Variants in BANK1 observed in about 807,000 individuals in gnomAD.
The protein encoded by BANK1 is B cell scaffold protein with ankyrin repeats 1, also known as B-cell scaffold protein with ankyrin repeats.
A neutral mutation model predicts 94.5 loss-of-function variants in BANK1; 95 were observed. The ratio of observed to expected loss-of-function variants is 1.00; its 90% confidence interval spans 0.85 to 1.19. The LOEUF is 1.19. BANK1 is among the 50% of genes most tolerant of loss of function. The pLI, the probability that BANK1 is intolerant of heterozygous loss-of-function variation, is 0.00. For missense variants in BANK1, 987 were observed against 932.2 expected (o/e 1.06, Z -0.77); for synonymous variants, 334 against 308.4 (o/e 1.08, Z -0.87).
chr4:101,824,305 C>G (rs964428660), intron 1 of BANK1, among the ~76,000 whole-genome samples: 5 of 152,206 alleles, frequency 3.3e-5, no homozygotes, highest in African/African-American at 9.7e-5. Context: ...TCAATAATAA[C>G]TGACCACTAA....
intron 2 of BANK1, among the ~76,000 whole-genome samples, chr4:101,833,356 T>C (rs1182400214): frequency 6.6e-6 from 1 of 152,164 alleles, no homozygotes; most frequent in African/African-American, 2.4e-5. Context: ...GTGGGTTTTG[T>C]TGTTTGTTCT....
intron 6 of BANK1, among the ~76,000 whole-genome samples, chr4:101,916,946 C>CTAAACGTTTATTGTATCTCCTAA (rs1175529941): frequency 6.6e-6 from 1 of 151,964 alleles, no homozygotes; most frequent in Non-Finnish European, 1.5e-5. Flanking sequence ...TAAACACATG[C>CTAAACGTTTATTGTATCTCCTAA]TAAACGTTTA....
intron 1 of BANK1, among the ~76,000 whole-genome samples, chr4:101,792,517 T>G (rs1170773387): frequency 6.6e-6 from 1 of 150,956 alleles, no homozygotes; most frequent in Non-Finnish European, 1.5e-5. Context: ...ACAACTATCT[T>G]AATATGGCAC....
At chr4:101,994,226 A>G (rs908561382) in intron 7 of BANK1, among the ~76,000 whole-genome samples, 3 of 152,222 alleles carry the variant, frequency 2.0e-5, no homozygotes, top group African/African-American at 4.8e-5. Flanking sequence ...CAATTAAAGA[A>G]TGAGTTATCT....
At chr4:101,804,065 A>G (rs929170857) in intron 1 of BANK1, among the ~76,000 whole-genome samples, 1 of 151,318 alleles carries the variant, frequency 6.6e-6, no homozygotes, top group Non-Finnish European at 1.5e-5. Flanking sequence ...CATGTCATGA[A>G]TGCATAAAAT....
At chr4:101,795,551 T>C (rs6532970) in intron 1 of BANK1, among the ~76,000 whole-genome samples, 136,375 of 152,004 alleles carry the variant, frequency 0.9, 61,515 homozygotes, top group African/African-American at 0.98. Flanking sequence ...TTCTATTGAT[T>C]GCATTTTATT....
intron 3 of BANK1, among the ~76,000 whole-genome samples, chr4:101,858,181 T>C (rs1460169287): frequency 1.3e-5 from 2 of 152,226 alleles, no homozygotes; most frequent in African/African-American, 2.4e-5. Flanking sequence ...GGCTCTCCAC[T>C]GCAGGTGATT....
chr4:101,923,711 T>C (rs1723070569), intron 7 of BANK1, among the ~76,000 whole-genome samples: 3 of 151,776 alleles, frequency 2.0e-5, no homozygotes, highest in Non-Finnish European at 4.4e-5. Context: ...GAAGGATGCA[T>C]ATGGTGAAAG....
At chr4:101,910,965 A>G (rs1023600123) in intron 6 of BANK1, among the ~76,000 whole-genome samples, 1 of 152,196 alleles carries the variant, frequency 6.6e-6, no homozygotes, top group African/African-American at 2.4e-5. Context: ...CCATGAATAC[A>G]GTGTGTGCAC....
At chr4:101,912,734 AT>A (rs1722705522) in intron 6 of BANK1, among the ~76,000 whole-genome samples, 1 of 151,316 alleles carries the variant, frequency 6.6e-6, no homozygotes, top group Non-Finnish European at 1.5e-5. Flanking sequence ...TTCCATTTTC[AT>A]TTTGTCCCTA....
intron 2 of BANK1, among the ~76,000 whole-genome samples, chr4:101,838,109 G>T (rs891691446): frequency 6.6e-6 from 1 of 152,004 alleles, no homozygotes; most frequent in Non-Finnish European, 1.5e-5. Context: ...ACAGGTGTGT[G>T]CTACGCCCGG....
At chr4:101,971,742 G>C (rs1724961763) in intron 7 of BANK1, among the ~76,000 whole-genome samples, 1 of 152,052 alleles carries the variant, frequency 6.6e-6, no homozygotes, top group African/African-American at 2.4e-5. Flanking sequence ...TGAAATGACT[G>C]TTCTTTTCCC....
At chr4:101,953,228 G>A (rs2148915533) in intron 7 of BANK1, among the ~76,000 whole-genome samples, 1 of 152,300 alleles carries the variant, frequency 6.6e-6, no homozygotes, top group Non-Finnish European at 1.5e-5. Context: ...TTAGCTGACA[G>A]CAAAGATAGC....
intron 2 of BANK1, among the ~76,000 whole-genome samples, chr4:101,832,280 G>T (rs1319008157): frequency 6.6e-6 from 1 of 152,118 alleles, no homozygotes; most frequent in Non-Finnish European, 1.5e-5. Context: ...GACTATTCTG[G>T]ATTATTTTTC....
chr4:101,997,245 T>C (rs972067427), intron 7 of BANK1, among the ~76,000 whole-genome samples: 2 of 152,198 alleles, frequency 1.3e-5, no homozygotes, highest in South Asian at 2.1e-4. Context: ...TTGATTTCCA[T>C]ATATTGAACC....
chr4:101,856,484 C>T (rs1727684617), intron 3 of BANK1, among the ~76,000 whole-genome samples: 1 of 152,072 alleles, frequency 6.6e-6, no homozygotes, highest in African/African-American at 2.4e-5. Flanking sequence ...AGAAAAATGG[C>T]AACTACTCTC....
intron 2 of BANK1, among the ~76,000 whole-genome samples, chr4:101,837,101 A>G (rs1320357284): frequency 2.6e-5 from 4 of 152,248 alleles, no homozygotes; most frequent in Admixed American, 2.6e-4. Flanking sequence ...GTAGCAGGCA[A>G]GGCCTCTCAT....
intron 2 of BANK1, among the ~76,000 whole-genome samples, chr4:101,854,235 G>C (rs1348386479): frequency 1.7e-4 from 26 of 152,016 alleles, no homozygotes; most frequent in Admixed American, 1.6e-3. Flanking sequence ...AGCCACATTG[G>C]TTCTGTGCCA....
chr4:101,906,454 G>T (rs1330987976), intron 6 of BANK1, among the ~76,000 whole-genome samples: 1 of 152,148 alleles, frequency 6.6e-6, no homozygotes, highest in Non-Finnish European at 1.5e-5. Context: ...GCGCTGCTCA[G>T]TCACTGGGGC....
Sources: gnomAD v4.1 joint callset for allele counts (sites outside exome capture counted in the v4.1 genomes callset) on GRCh38, gnomAD v4.1.1 for gene constraint, MANE v1.5 for transcripts, NCBI Gene and HGNC (gene_info 2026-07-23, HGNC 2026-07-21) for gene names.